Variants in THSD4 observed in about 807,000 individuals in gnomAD.
THSD4 encodes the protein thrombospondin type-1 domain-containing protein 4.
A neutral mutation model predicts 119.0 loss-of-function variants in THSD4; 69 were observed. The observed-to-expected ratio is 0.58, with a 90% CI of 0.48 to 0.71. The LOEUF (loss-of-function observed/expected upper bound fraction) is 0.71, where lower values mean the gene tolerates loss of function less well. Among genes scored for constraint, THSD4 ranks in the 30% least tolerant of loss-of-function variants. The probability of loss-of-function intolerance (pLI) is 0.00; values close to 1 mark genes in which losing one functional copy is unlikely to be tolerated. For missense variants in THSD4, 1,393 were observed against 1,391.1 expected, an observed-to-expected ratio of 1.00 and a Z score of -0.02; for synonymous variants, 524 against 540.4, an observed-to-expected ratio of 0.97 and a Z score of 0.42.
chr15:71,343,483 G>C (rs1031470643), intron 6 of THSD4, among the ~76,000 whole-genome samples: 1 of 152,148 alleles, frequency 6.6e-6, no homozygotes, highest in African/African-American at 2.4e-5. Flanking sequence ...GGTTGGCTTC[G>C]TCTGGAGTCT....
intron 6 of THSD4, among the ~76,000 whole-genome samples, chr15:71,359,278 T>A (rs2045862066): frequency 6.6e-6 from 1 of 152,226 alleles, no homozygotes; most frequent in Non-Finnish European, 1.5e-5. Context: ...TGACCCCCAT[T>A]GCATCATTCG....
At chr15:71,507,563 G>A (rs2048209360) in intron 7 of THSD4, among the ~76,000 whole-genome samples, 1 of 152,192 alleles carries the variant, frequency 6.6e-6, no homozygotes, top group African/African-American at 2.4e-5. Flanking sequence ...TTGTCCCAAA[G>A]TTTGAAAGGT....
rs141659555 is a variant in THSD4, at chr15:71,278,485, T to C, written c.1015+21770T>C. ...AAAATGTAGGTGATTAATAACTCAC[T>C]TGTAGCTCTGGAGCTGTTCAACAGA... is the stretch of plus-strand genomic sequence containing the variant. On this transcript the variant is annotated intron_variant, in intron 6 of 17. Transcript: ENST00000261862. Among the ~76,000 whole-genome samples the C allele has an allele frequency of 1.3e-5, 2 of 152,318 alleles. 1 individual carries two copies. Among genetic ancestry groups the C allele is most frequent in the East Asian group, 3.9e-4 (2 of 5,188 alleles).
intron 8 of THSD4, among the ~76,000 whole-genome samples, chr15:71,722,480 C>T (rs1429481149): frequency 6.6e-6 from 1 of 152,094 alleles, no homozygotes; most frequent in African/African-American, 2.4e-5. Context: ...CTTTAATGGA[C>T]TTTTTAGTTA....
intron 7 of THSD4, among the ~76,000 whole-genome samples, chr15:71,525,726 G>T (rs1242844676): frequency 6.6e-6 from 1 of 152,238 alleles, no homozygotes; most frequent in Non-Finnish European, 1.5e-5. Context: ...ATGCTGAAAA[G>T]TCAGAATCTG....
At chr15:71,669,606 G>C (rs1354541287) in intron 8 of THSD4, among the ~76,000 whole-genome samples, 1 of 151,942 alleles carries the variant, frequency 6.6e-6, no homozygotes, top group Non-Finnish European at 1.5e-5. Context: ...TGCCCGTTTT[G>C]TTTAGTTTTC....
chr15:71,244,164 A>G (rs536139208), intron 5 of THSD4, among the ~76,000 whole-genome samples: 1 of 152,224 alleles, frequency 6.6e-6, no homozygotes, highest in East Asian at 1.9e-4. Flanking sequence ...TATAGTTGCA[A>G]AGAGAGGTAA....
rs8028510 is a variant in THSD4, at chr15:71,174,226, A to G, written c.99+19294A>G. 2.6e-3 allele frequency among the ~76,000 whole-genome samples: 395 copies of G among 152,198 alleles called. 3 individuals carry two copies. The highest frequency in any genetic ancestry group is 9.2e-3 in the African/African-American group (383 of 41,540). On this transcript the variant is annotated intron_variant, in intron 3 of 17. Transcript: ENST00000261862. The stretch of plus-strand genomic sequence containing the variant: ...GAAGACGGGTGATTTCTGCATTTCC[A>G]TCTGAGGTACCGGGTTCATCTCACT...
intron 8 of THSD4, among the ~76,000 whole-genome samples, chr15:71,712,556 A>G (rs2052537778): frequency 6.6e-6 from 1 of 152,240 alleles, no homozygotes; most frequent in African/African-American, 2.4e-5. Context: ...AATAAAAACA[A>G]GAGCAGAAAT....
At chr15:71,430,878 A>G (rs1250964166) in intron 7 of THSD4, among the ~76,000 whole-genome samples, 1 of 152,128 alleles carries the variant, frequency 6.6e-6, no homozygotes, top group East Asian at 1.9e-4. Context: ...TTGGCTTCAT[A>G]ATGTCAGCCT....
At position 71,562,583 on chromosome 15, in the gene THSD4, G is replaced by A. The variant is rs2049143143; in HGVS notation, c.1153-97947G>A. The stretch of plus-strand genomic sequence containing the variant: ...TCCTGGAAGTGTAGCAGAAAAGCAG[G>A]AACCTGAGAACTGCCAGGGCCTAAA... On this transcript the variant is annotated intron_variant, in intron 7 of 17. Transcript: ENST00000261862. Among the ~76,000 whole-genome samples, 2 of 147,802 alleles carry A rather than the reference G, an allele frequency of 1.4e-5. 1 individual carries two copies. The highest frequency in any genetic ancestry group is 4.0e-4 in the East Asian group (2 of 5,040).
At chr15:71,163,968 C>G (rs1488188468) in intron 3 of THSD4, among the ~76,000 whole-genome samples, 1 of 151,586 alleles carries the variant, frequency 6.6e-6, no homozygotes, top group Non-Finnish European at 1.5e-5. Flanking sequence ...TTAGAACATA[C>G]TTTTCTATTA....
intron 6 of THSD4, among the ~76,000 whole-genome samples, chr15:71,336,248 G>A (rs1483656902): frequency 6.6e-6 from 1 of 152,142 alleles, no homozygotes; most frequent in Non-Finnish European, 1.5e-5. Flanking sequence ...TGGTCTGAGT[G>A]GTGAGGGCCC....
rs779723919 is a variant in THSD4 at position 71,341,189 on chromosome 15, A to G, written c.1016-70498A>G. The G allele has an allele frequency of 5.3e-6, 8 of 1,496,170 alleles. No individual in the cohort carries two copies. In the South Asian group the frequency reaches 9.2e-5, roughly 17 times the overall value. 92.7% of individuals were successfully genotyped at this position (1,496,170 alleles called of 1,614,324 possible). On this transcript the variant is annotated intron_variant, in intron 6 of 17. Transcript: ENST00000261862. ...CCGTGCCATAAGTTTTTGTTTCTTC[A>G]GTTTCTTCTGGGATATCTTTTTCTT...
At chr15:71,565,062 A>G (rs1595889227) in intron 7 of THSD4, among the ~76,000 whole-genome samples, 1 of 152,318 alleles carries the variant, frequency 6.6e-6, no homozygotes, top group African/African-American at 2.4e-5. Flanking sequence ...AGAACACCTT[A>G]GGTTTTTAAG....
chr15:71,304,503 G>A (rs537488602), intron 6 of THSD4, among the ~76,000 whole-genome samples: 57 of 152,072 alleles, frequency 3.7e-4, no homozygotes, highest in African/African-American at 1.1e-3. Flanking sequence ...AATATGTTTG[G>A]TAGTAAAATT....
At chr15:71,568,634 A>T (rs2049288905) in intron 7 of THSD4, among the ~76,000 whole-genome samples, 1 of 149,048 alleles carries the variant, frequency 6.7e-6, no homozygotes, top group African/African-American at 2.5e-5. Context: ...GTACATGTGC[A>T]CAACGTGCTA....
intron 1 of THSD4, among the ~76,000 whole-genome samples, chr15:71,121,574 C>T (rs2040409441): frequency 6.6e-6 from 1 of 152,138 alleles, no homozygotes; most frequent in Admixed American, 6.5e-5. Flanking sequence ...CCATGGTTTC[C>T]AGCTGCCCCT....
At chr15:71,431,423 A>G (rs1054920838) in intron 7 of THSD4, among the ~76,000 whole-genome samples, 2 of 152,188 alleles carry the variant, frequency 1.3e-5, no homozygotes, top group African/African-American at 4.8e-5. Flanking sequence ...TTGAAGACAG[A>G]ACACTTGCAA....
Sources: allele counts gnomAD v4.1 joint callset (sites outside exome capture counted in the v4.1 genomes callset), GRCh38; gene constraint gnomAD v4.1.1; transcripts MANE v1.5; gene names NCBI Gene and HGNC (gene_info 2026-07-23, HGNC 2026-07-21).